Variants in ACVR1 observed in about 807,000 individuals in gnomAD.
ACVR1 encodes the protein activin receptor type-1.
In ACVR1, 38 loss-of-function variants were observed where a neutral mutation model predicts 57.1. That is an observed-to-expected ratio of 0.67 (90% confidence interval 0.51 to 0.87). The LOEUF is 0.87. Ranked by LOEUF, ACVR1 falls within the 40% of genes least tolerant of loss-of-function variation. The probability of loss-of-function intolerance (pLI) is 0.00; values close to 1 mark genes in which losing one functional copy is unlikely to be tolerated. For missense variants in ACVR1, 463 were observed against 638.2 expected, an observed-to-expected ratio of 0.73 and a Z score of 2.96; for synonymous variants, 212 against 228.1, an observed-to-expected ratio of 0.93 and a Z score of 0.63.
chr2:157,814,903 G>T (rs1009681555), intron 2 of ACVR1, among the ~76,000 whole-genome samples: 1 of 152,136 alleles, frequency 6.6e-6, no homozygotes, highest in African/African-American at 2.4e-5. Context: ...GGCTAACACG[G>T]TGAAACCCTG....
chr2:157,754,822 A>G (rs76460609), intron 9 of ACVR1, among the ~76,000 whole-genome samples: 1 of 152,094 alleles, frequency 6.6e-6, no homozygotes, highest in Non-Finnish European at 1.5e-5. Flanking sequence ...AAAAGTACAG[A>G]CCAATATCCG....
intron 5 of ACVR1, among the ~76,000 whole-genome samples, chr2:157,776,926 T>A (rs1371609943): frequency 6.6e-6 from 1 of 152,262 alleles, no homozygotes; most frequent in African/African-American, 2.4e-5. Flanking sequence ...AAGTTATTAC[T>A]TTGATTGTCT....
intron 1 of ACVR1, among the ~76,000 whole-genome samples, chr2:157,824,256 C>CCAG (rs1195811106): frequency 1.3e-5 from 2 of 152,026 alleles, no homozygotes; most frequent in Non-Finnish European, 2.9e-5. Context: ...TTGCTTGAGC[C>CCAG]CAGGAGTTGG....
At chr2:157,804,350 G>A (rs1687442123) in intron 2 of ACVR1, among the ~76,000 whole-genome samples, 2 of 152,140 alleles carry the variant, frequency 1.3e-5, no homozygotes, top group Admixed American at 1.3e-4. Flanking sequence ...AAGTCCAACA[G>A]TCAAGGAAGA....
chr2:157,845,768 A>C (rs1452978694), intron 1 of ACVR1, among the ~76,000 whole-genome samples: 1 of 152,188 alleles, frequency 6.6e-6, no homozygotes, highest in Non-Finnish European at 1.5e-5. Context: ...AAAGAGGAGG[A>C]GAAAAACTTG....
chr2:157,857,409 A>G (rs182840671), intron 1 of ACVR1, among the ~76,000 whole-genome samples: 108 of 151,936 alleles, frequency 7.1e-4, no homozygotes, highest in Admixed American at 3.1e-3. Flanking sequence ...AAAAAAAAAA[A>G]AAGAAGAAGA....
Position 157,736,985 on chromosome 2 carries a change from T to C in ACVR1, c.*546A>G, listed in dbSNP as rs1238354173. ...AGCAAAGTCTGACATTACATTTTGT[T>C]TTGCCAAATTGAATTCCTATTATCC... On this transcript the variant is annotated 3_prime_UTR_variant, in exon 11 of 11. Transcript: ENST00000434821. The C allele has an allele frequency of 3.4e-6, 1 of 291,468 alleles. No homozygotes were observed. Among genetic ancestry groups the C allele is most frequent in the Non-Finnish European group, 6.4e-6 (1 of 156,914 alleles). The allele number at this position is 291,468 out of a possible 1,614,324, so 18.1% of individuals were successfully genotyped here. A position where few individuals can be genotyped will look rare whatever the true frequency, so the allele number is the denominator to read the frequency against.
At chr2:157,767,179 C>T (rs2105262165) in intron 7 of ACVR1, among the ~76,000 whole-genome samples, 1 of 151,978 alleles carries the variant, frequency 6.6e-6, no homozygotes, top group South Asian at 2.1e-4. Flanking sequence ...TTACAGGGGC[C>T]CACCATCACG....
At chr2:157,778,409 A>G (rs1686377804) in intron 4 of ACVR1, 67 bp from the exon 5 acceptor site, 1 of 1,335,244 alleles carries the variant, frequency 7.5e-7, no homozygotes, top group African/African-American at 1.4e-5. Flanking sequence ...TAGCATAACC[A>G]ATATCCTAAC....
intron 8 of ACVR1, among the ~76,000 whole-genome samples, chr2:157,764,363 C>CTT (rs113156681): frequency 0.011 from 1,488 of 133,698 alleles, 35 homozygotes; most frequent in African/African-American, 0.038. Context: ...TATTATTTTT[C>CTT]TTTTTTTTTT....
Position 157,832,109 on chromosome 2 carries a change from C to T in ACVR1, c.-182-13550G>A, listed in dbSNP as rs549815425. On this transcript the variant is annotated intron_variant, in intron 1 of 10. Coordinates refer to ENST00000434821, the MANE Select transcript of ACVR1 (RefSeq NM_001111067.4). ...GTGAAAAGAGCAAAAGCTCTGGAAT[C>T]GCACAGCTTGAGGAATGAACCTAGG... Among the ~76,000 whole-genome samples the T allele has an allele frequency of 1.5e-4, 23 of 152,214 alleles. No individual in the cohort carries two copies. The South Asian group carries it at 2.1e-3, about 14-fold the overall frequency.
intron 1 of ACVR1, among the ~76,000 whole-genome samples, chr2:157,835,382 A>G (rs1444753940): frequency 6.6e-6 from 1 of 152,242 alleles, no homozygotes; most frequent in Non-Finnish European, 1.5e-5. Flanking sequence ...ATGAGTTAAT[A>G]TATGTAAAGC....
intron 1 of ACVR1, among the ~76,000 whole-genome samples, chr2:157,864,330 C>T (rs1466983192): frequency 6.6e-6 from 1 of 152,026 alleles, no homozygotes; most frequent in Non-Finnish European, 1.5e-5. Flanking sequence ...CCCACCTCAG[C>T]CTCCTGAGTA....
chr2:157,777,334 C>G (rs1251975471), intron 5 of ACVR1, among the ~76,000 whole-genome samples: 2 of 152,164 alleles, frequency 1.3e-5, no homozygotes, highest in African/African-American at 4.8e-5. Flanking sequence ...AGCAAGTAAA[C>G]TGTGGCTGGT....
intron 1 of ACVR1, among the ~76,000 whole-genome samples, chr2:157,841,937 G>C (rs1355812422): frequency 6.8e-6 from 1 of 146,612 alleles, no homozygotes; most frequent in Admixed American, 7.1e-5. Flanking sequence ...TGAGGCAGGA[G>C]AATGGCATGA....
chr2:157,863,336 CTTTTTTTTTTTTT>C (rs1161335923), intron 1 of ACVR1, among the ~76,000 whole-genome samples: 31 of 35,686 alleles, frequency 8.7e-4, no homozygotes, highest in Admixed American at 3.0e-3. Flanking sequence ...AATTGTTTCT[CTTTTTTTTTTTTT>C]TTTTTTTTTT....
rs1011475453 is a variant in ACVR1, at chr2:157,736,625, A to G, written c.*906T>C. The stretch of plus-strand genomic sequence containing the variant: ...AAATTCTACTGAAATCTTTGCTTCT[A>G]AATCAGTAATATATTCGGTGGTGTC... On this transcript the variant is annotated 3_prime_UTR_variant, in exon 11 of 11. Transcript: ENST00000434821. 2.9e-5 allele frequency: 9 copies of G among 312,668 alleles called. No homozygotes were observed. In the Admixed American group the frequency reaches 4.6e-4, roughly 16 times the overall value. 19.4% of individuals were successfully genotyped at this position (312,668 alleles called of 1,614,324 possible).
chr2:157,795,491 G>C (rs890910657), intron 3 of ACVR1, among the ~76,000 whole-genome samples: 5 of 151,546 alleles, frequency 3.3e-5, no homozygotes, highest in East Asian at 1.9e-4. Flanking sequence ...ATTATGATTA[G>C]AGTATGCTAG....
intron 8 of ACVR1, among the ~76,000 whole-genome samples, chr2:157,763,148 T>C (rs1685728933): frequency 6.6e-6 from 1 of 152,132 alleles, no homozygotes; most frequent in Admixed American, 6.5e-5. Context: ...CATCTGAAAA[T>C]GAATATAAAA....
Sources: allele counts gnomAD v4.1 joint callset (sites outside exome capture counted in the v4.1 genomes callset), GRCh38; gene constraint gnomAD v4.1.1; transcripts MANE v1.5; gene names NCBI Gene and HGNC (gene_info 2026-07-23, HGNC 2026-07-21).